The following TBXAS1 variants were observed in gnomAD, a reference collection of about 807,000 sequenced individuals.
TBXAS1 encodes the protein thromboxane-A synthase.
Under a neutral mutation model 60.7 loss-of-function variants are expected in TBXAS1, and 48 were observed. The ratio of observed to expected loss-of-function variants is 0.79; its 90% confidence interval spans 0.63 to 1.01. TBXAS1 has a LOEUF of 1.01. TBXAS1 is among the 50% of genes least tolerant of loss of function. The pLI is 0.00. For missense variants in TBXAS1, 685 were observed against 686.3 expected, an observed-to-expected ratio of 1.00 and a Z score of 0.02; for synonymous variants, 287 against 269.7, an observed-to-expected ratio of 1.06 and a Z score of -0.63.
chr7:139,991,369 G>A (rs747068645), intron 9 of TBXAS1, among the ~76,000 whole-genome samples: 9 of 130,638 alleles, frequency 6.9e-5, no homozygotes, highest in Admixed American at 9.2e-5. Flanking sequence ...ACACTTCCCT[G>A]TCACCACCAG....
chr7:139,848,282 G>T (rs1799963728), intron 1 of TBXAS1, among the ~76,000 whole-genome samples: 1 of 152,102 alleles, frequency 6.6e-6, no homozygotes, highest in African/African-American at 2.4e-5. Context: ...ACCATGCCTG[G>T]CCGCTTTGCA....
At chr7:139,996,637 T>C (rs893404917) in intron 9 of TBXAS1, among the ~76,000 whole-genome samples, 1 of 152,218 alleles carries the variant, frequency 6.6e-6, no homozygotes, top group Admixed American at 6.5e-5. Flanking sequence ...CTTTCATCTC[T>C]CTTCATTCCC....
chr7:139,784,228 C>T (rs1161035119), intron 3 of TBXAS1, among the ~76,000 whole-genome samples: 1 of 139,556 alleles, frequency 7.2e-6, no homozygotes, highest in Admixed American at 7.4e-5. Flanking sequence ...CATTCTTTCT[C>T]TCTCTCTCTC....
chr7:139,904,782 G>A (rs905813619), intron 3 of TBXAS1, among the ~76,000 whole-genome samples: 8 of 152,082 alleles, frequency 5.3e-5, no homozygotes, highest in Admixed American at 5.2e-4. Context: ...CTACTGATTG[G>A]TGTACATTAA....
chr7:139,821,614 T>G (rs1295230972), intron 4 of TBXAS1, among the ~76,000 whole-genome samples: 1 of 152,344 alleles, frequency 6.6e-6, no homozygotes, highest in East Asian at 1.9e-4. Flanking sequence ...AACACACAGA[T>G]GGCTGCTGTC....
chr7:140,017,931 G>A (rs972583984), intron 12 of TBXAS1, 98 bp downstream of exon 12: 1 of 1,558,092 alleles, frequency 6.4e-7, no homozygotes, highest in African/African-American at 1.4e-5. Context: ...GCAACATCAG[G>A]CTCTGCCTCC....
intron 1 of TBXAS1, among the ~76,000 whole-genome samples, chr7:139,866,971 C>T (rs929341339): frequency 1.3e-5 from 2 of 152,150 alleles, no homozygotes; most frequent in Non-Finnish European, 2.9e-5. Context: ...ACCCTGCTTC[C>T]ATTTCTTAAC....
chr7:139,865,470 T>G (rs1033041167), intron 1 of TBXAS1, among the ~76,000 whole-genome samples: 1 of 152,012 alleles, frequency 6.6e-6, no homozygotes, highest in African/African-American at 2.4e-5. Context: ...CAGCTTGCAG[T>G]ACCTATCAAT....
At chr7:139,951,593 TAAAAAAAAAAAA>T (rs66551791) in intron 5 of TBXAS1, among the ~76,000 whole-genome samples, 11 of 66,312 alleles carry the variant, frequency 1.7e-4, no homozygotes, top group East Asian at 4.2e-4. Flanking sequence ...CCGTCTCTAC[TAAAAAAAAAAAA>T]AAAAAAAAAA....
chr7:139,805,728 C>CTTTCTT (rs1382047415), intron 4 of TBXAS1, among the ~76,000 whole-genome samples: 7 of 110,966 alleles, frequency 6.3e-5, no homozygotes, highest in African/African-American at 8.6e-5. Flanking sequence ...CTCTCTCTCT[C>CTTTCTT]TCTTTCTTTC....
rs200999267 is a variant in TBXAS1 at position 139,781,837 on chromosome 7, C to CAAAAAAAAA, written c.-232-814_-232-806dup. ...AGGCAACAAGAGCTAAATTCCATCTCAAAAAAAAAAAAAAAAAAAAAAAGG... is the reference window on the plus strand; with the variant it reads ...AGGCAACAAGAGCTAAATTCCATCTCAAAAAAAAAAAAAAAAAAAAAAAAAAAAAAAAGG... On this transcript the variant is annotated intron_variant, in intron 2 of 16. Transcript: ENST00000336425. 3.6e-4 allele frequency among the ~76,000 whole-genome samples: 24 copies of CAAAAAAAAA among 67,292 alleles called. 2 individuals carry two copies. In the East Asian group the frequency reaches 9.6e-3, roughly 27 times the overall value. 44.1% of individuals were successfully genotyped at this position (67,292 alleles called of 152,430 possible).
chr7:139,821,050 T>C (rs1798282101), intron 4 of TBXAS1, among the ~76,000 whole-genome samples: 1 of 152,040 alleles, frequency 6.6e-6, no homozygotes, highest in Non-Finnish European at 1.5e-5. Flanking sequence ...AATGAATGGA[T>C]AAAAGGAGTA....
intron 3 of TBXAS1, among the ~76,000 whole-genome samples, chr7:139,887,999 G>A (rs1256158459): frequency 2.0e-5 from 3 of 152,062 alleles, no homozygotes; most frequent in Non-Finnish European, 4.4e-5. Flanking sequence ...TTCCCTTTGT[G>A]CCCTGGATCC....
chr7:139,950,467 T>A (rs1809117090), intron 5 of TBXAS1, among the ~76,000 whole-genome samples: 1 of 152,202 alleles, frequency 6.6e-6, no homozygotes, highest in South Asian at 2.1e-4. Context: ...TCCATGAGCC[T>A]TGGCAACAGG....
intron 9 of TBXAS1, among the ~76,000 whole-genome samples, chr7:140,006,670 A>G (rs1170418654): frequency 2.0e-5 from 3 of 152,190 alleles, no homozygotes; most frequent in African/African-American, 7.2e-5. Context: ...ATAATGTGCC[A>G]TGACTACCCA....
chr7:139,817,700 C>T (rs115231777), intron 4 of TBXAS1, among the ~76,000 whole-genome samples: 180 of 152,302 alleles, frequency 1.2e-3, no homozygotes, highest in African/African-American at 4.1e-3. Flanking sequence ...TACTCAAGGA[C>T]TCAAGAACTC....
At chr7:140,012,473 T>G (rs545719990) in intron 10 of TBXAS1, among the ~76,000 whole-genome samples, 39 of 152,030 alleles carry the variant, frequency 2.6e-4, no homozygotes, top group African/African-American at 4.3e-4. Context: ...TTTTTTTTTT[T>G]TTTTTTTGAG....
intron 5 of TBXAS1, among the ~76,000 whole-genome samples, chr7:139,942,712 T>C (rs1318352092): frequency 2.0e-5 from 3 of 152,190 alleles, no homozygotes; most frequent in Admixed American, 1.3e-4. Context: ...TTGCTATGCA[T>C]AGGGACTCAG....
At chr7:139,989,240 GAGA>G (rs1402495070) in intron 9 of TBXAS1, among the ~76,000 whole-genome samples, 12 of 152,210 alleles carry the variant, frequency 7.9e-5, no homozygotes, top group Admixed American at 7.2e-4. Context: ...ACTGCTCTTT[GAGA>G]AGAAGTCAGC....
Sources: gnomAD v4.1 joint callset for allele counts (sites outside exome capture counted in the v4.1 genomes callset) on GRCh38, gnomAD v4.1.1 for gene constraint, MANE v1.5 for transcripts, NCBI Gene and HGNC (gene_info 2026-07-23, HGNC 2026-07-21) for gene names.